Variants in ZBTB4 observed in about 807,000 individuals in gnomAD.
ZBTB4 encodes the protein zinc finger and BTB domain-containing protein 4.
A neutral mutation model predicts 59.8 loss-of-function variants in ZBTB4; 14 were observed. That is an observed-to-expected ratio of 0.23 (90% CI 0.15 to 0.37). The LOEUF is 0.37. Among genes scored for constraint, ZBTB4 ranks in the 10% least tolerant of loss-of-function variants. The pLI is 1.00. For missense variants in ZBTB4, 1,198 were observed against 1,380.8 expected (o/e 0.87, Z 2.10); for synonymous variants, 587 against 575.2 (o/e 1.02, Z -0.29).
At chr17:7,483,655 C>T (rs534611584), upstream of ZBTB4, among the ~76,000 whole-genome samples, 1 of 152,304 alleles carries the variant, frequency 6.6e-6, no homozygotes, top group East Asian at 1.9e-4. Context: ...CCCCAAATCC[C>T]CCAGGACTTT....
At chr17:7,475,756 A>G (rs1308198796) in intron 1 of ZBTB4, among the ~76,000 whole-genome samples, 6 of 152,178 alleles carry the variant, frequency 3.9e-5, no homozygotes, top group African/African-American at 1.2e-4. Context: ...CTAATTTTAC[A>G]GAAGAGGAAA....
At chr17:7,484,005 G>C (rs952784487), upstream of ZBTB4, 2 of 147,480 alleles carry the variant, frequency 1.4e-5, no homozygotes, top group African/African-American at 5.0e-5. Flanking sequence ...CGCCATTACC[G>C]ATTCGCAGAG....
intron 1 of ZBTB4, among the ~76,000 whole-genome samples, chr17:7,473,420 C>T (rs1411174064): frequency 1.3e-5 from 2 of 151,646 alleles, no homozygotes; most frequent in Admixed American, 1.3e-4. Context: ...TGGCCAGGCC[C>T]GGATAATTTT....
intron 3 of ZBTB4, among the ~76,000 whole-genome samples, chr17:7,464,904 C>T (rs2070092134): frequency 6.6e-6 from 1 of 150,430 alleles, no homozygotes; most frequent in Admixed American, 6.7e-5. Flanking sequence ...TGCCTGTAAT[C>T]TCAGCACTTT....
At chr17:7,476,082 A>C (rs1286351527) in intron 1 of ZBTB4, among the ~76,000 whole-genome samples, 1 of 152,196 alleles carries the variant, frequency 6.6e-6, no homozygotes, top group African/African-American at 2.4e-5. Flanking sequence ...TCGATAGCTC[A>C]GGTCCTTGTT....
chr17:7,463,542 A>C lies in ZBTB4; in HGVS notation c.1440T>G (p.Ser480=). 1.3e-6 allele frequency: 2 copies of C among 1,587,018 alleles called. No homozygotes were observed. The highest frequency in any genetic ancestry group is 2.3e-5 in the South Asian group (2 of 86,252). Residue 480 remains serine (S), a synonymous_variant, in exon 4 of 4, where the codon TCT becomes TCG. Coordinates refer to ENST00000380599, the MANE Select transcript of ZBTB4 (RefSeq NM_001128833.2). ...TGCTACTGCCCCCATGGACAATGACAGAGGGGGCTGGGTGGGCAAAAGTGA... is the reference window on the plus strand; with the variant it reads ...TGCTACTGCCCCCATGGACAATGACCGAGGGGGCTGGGTGGGCAAAAGTGA... The part of the protein sequence containing the change: ...SVITFAHPAP[S]VIVHGGSSSG...
In ZBTB4 at chr17:7,465,779, A is replaced by G. The variant is rs1188693965; in HGVS notation, c.1023T>C (p.Tyr341=). The change falls in exon 3 of 4, where the codon TAT becomes TAC. Residue 341 remains tyrosine (Y), a synonymous_variant. Transcript: ENST00000380599. ...HSWRRKYPCR[Y]CEKVFALAEY... is the part of the protein sequence containing the mutation. ...CCGCCAGAGCAAACACTTTCTCACA[A>G]TAGCGGCAGGGGTACTTCCTCCGCC... 3 of 1,614,218 alleles carry G rather than the reference A, an allele frequency of 1.9e-6. No homozygotes were observed. Among genetic ancestry groups the G allele is most frequent in the Admixed American group, 1.7e-5 (1 of 60,032 alleles).
chr17:7,472,215 C>T (rs1048167408), intron 1 of ZBTB4, among the ~76,000 whole-genome samples: 3 of 151,496 alleles, frequency 2.0e-5, no homozygotes, highest in African/African-American at 7.3e-5. Context: ...TTTTGAGACA[C>T]AGTCCAGCTC....
chr17:7,480,181 C>G (rs2070326545), upstream of ZBTB4, among the ~76,000 whole-genome samples: 1 of 152,184 alleles, frequency 6.6e-6, no homozygotes, highest in South Asian at 2.1e-4. Context: ...CAAATGAACA[C>G]ATGAAGCTGG....
At chr17:7,465,160 AAAAAAAAT>A (rs2070099376) in intron 3 of ZBTB4, among the ~76,000 whole-genome samples, 1 of 145,718 alleles carries the variant, frequency 6.9e-6, no homozygotes, top group Non-Finnish European at 1.5e-5. Flanking sequence ...TGTCTCAAAA[AAAAAAAAT>A]AAAAAAAATG....
chr17:7,465,469 AAAAAAAAAAAAG>A (rs1352943407), intron 3 of ZBTB4, among the ~76,000 whole-genome samples: 1 of 151,870 alleles, frequency 6.6e-6, no homozygotes, highest in African/African-American at 2.4e-5. Context: ...GTCTCAAAAA[AAAAAAAAAAAAG>A]AAAAAAAAAT....
chr17:7,462,587 C>T lies in ZBTB4; in HGVS notation c.2395G>A (p.Val799Ile). The T allele has an allele frequency of 2.5e-6, 4 of 1,612,680 alleles. No homozygotes were observed. The highest frequency in any genetic ancestry group is 3.4e-6 in the Non-Finnish European group (4 of 1,179,464). Reference protein sequence around the residue: ...AERPGGTPTPVIAYSKGSAGT... With the variant: ...AERPGGTPTPIIAYSKGSAGT... The stretch of plus-strand genomic sequence containing the variant: ...GCGCTGCCCTTGGAATAGGCAATGA[C>T]AGGGGTTGGGGTGCCCCCGGGCCGC... The change falls in exon 4 of 4, where the codon GTC becomes ATC. Residue 799 changes from valine to isoleucine, a missense_variant. Physicochemically the swap from Val to Ile is conservative, Grantham distance 29 (BLOSUM62 3). This residue lies in a region of ZBTB4 where 550 missense variants were observed against 541.8 expected (regional missense o/e 1.02). Coordinates refer to ENST00000380599, the MANE Select transcript of ZBTB4 (RefSeq NM_001128833.2). The surrounding 1 kb of genome is among the most constrained non-coding windows in gnomAD (Gnocchi z 7.5).
At chr17:7,469,323 T>C (rs537219262) in intron 1 of ZBTB4, among the ~76,000 whole-genome samples, 3 of 152,150 alleles carry the variant, frequency 2.0e-5, no homozygotes, top group Non-Finnish European at 4.4e-5. Context: ...TCCGCCGCCA[T>C]GCCTGGCTAA....
At position 7,462,432 on chromosome 17, in the gene ZBTB4, AG is replaced by A; in HGVS notation, c.2549del (p.Pro850LeufsTer11). ...EASETASLQD[P>X]IISGGEEPPV... The stretch of plus-strand genomic sequence containing the variant: ...GGGGCTCCTCACCCCCTGAAATGAT[AG>A]GGTCCTGGAGTGAGGCGGTCTCGGA... On this transcript the variant is annotated frameshift_variant, in exon 4 of 4. Transcript: ENST00000380599. LOFTEE classifies it high-confidence loss of function. This position sits in a 1 kb window ranked among gnomAD's most constrained non-coding sequence, Gnocchi z 7.5. 6.2e-7 allele frequency: 1 copy of A among 1,613,842 alleles called. No homozygotes were observed. The highest frequency in any genetic ancestry group is 8.5e-7 in the Non-Finnish European group (1 of 1,179,976).
chr17:7,463,310 T>C lies in ZBTB4; in HGVS notation c.1672A>G (p.Lys558Glu). 1.2e-6 allele frequency: 2 copies of C among 1,609,730 alleles called. No individual in the cohort carries two copies. Among genetic ancestry groups the C allele is most frequent in the Non-Finnish European group, 1.7e-6 (2 of 1,178,340 alleles). Residue 558 changes from lysine (K) to glutamate (E), a missense_variant, in exon 4 of 4, where the codon AAG becomes GAG. Coordinates refer to ENST00000380599, the MANE Select transcript of ZBTB4 (RefSeq NM_001128833.2). The stretch of plus-strand genomic sequence containing the variant: ...CTTCCAGCCCGTGGATTCCGGCCCT[T>C]GGCCTCCTCCGTGGTGGTGGCCATG... Reference protein sequence around the residue: ...PAMATTTEEAKGRNPRAGRTL... With the variant: ...PAMATTTEEAEGRNPRAGRTL...
chr17:7,471,424 T>C (rs1208466563), intron 1 of ZBTB4, among the ~76,000 whole-genome samples: 1 of 152,202 alleles, frequency 6.6e-6, no homozygotes, highest in Non-Finnish European at 1.5e-5. Context: ...ATGTGCAAAG[T>C]ATAATGCTAA....
In ZBTB4 at chr17:7,466,211, C is replaced by T. The variant is rs781436012; in HGVS notation, c.591G>A (p.Gln197=). ...PPTPAPMATS[Q]PEEDSFGPGP... Reference sequence around the variant, plus strand: ...CGGGCCCAAAGCTGTCCTCTTCAGGCTGCGAGGTGGCCATGGGGGCTGGGG... The same window carrying T: ...CGGGCCCAAAGCTGTCCTCTTCAGGTTGCGAGGTGGCCATGGGGGCTGGGG... The change falls in exon 3 of 4, where the codon CAG becomes CAA. Residue 197 remains glutamine, a synonymous_variant. Coordinates refer to ENST00000380599, the MANE Select transcript of ZBTB4 (RefSeq NM_001128833.2). The surrounding 1 kb of genome is among the most constrained non-coding windows in gnomAD (Gnocchi z 9.1). 17 of 1,613,466 alleles carry T rather than the reference C, an allele frequency of 1.1e-5. No individual in the cohort carries two copies. Among genetic ancestry groups the T allele is most frequent in the Non-Finnish European group, 1.4e-5 (16 of 1,179,984 alleles).
Position 7,465,691 on chromosome 17 carries a change from C to G in ZBTB4, c.1091+20G>C. On this transcript the variant is annotated intron_variant, in intron 3 of 3. Transcript: ENST00000380599. ...GAGTGCCAGCCTCCAGCCGCTCCCC[C>G]GCCAGCCTGGATCACTCACCTGCGC... The G allele has an allele frequency of 1.3e-6, 2 of 1,573,440 alleles. No homozygotes were observed. The highest frequency in any genetic ancestry group is 1.7e-5 in the Admixed American group (1 of 57,990).
At chr17:7,478,408 C>CCCA (rs2070298774) in intron 1 of ZBTB4, among the ~76,000 whole-genome samples, 1 of 152,046 alleles carries the variant, frequency 6.6e-6, no homozygotes, top group South Asian at 2.1e-4. Flanking sequence ...GACGCGCAGC[C>CCCA]CCCATGCAAC....
Sources: allele counts gnomAD v4.1 joint callset (sites outside exome capture counted in the v4.1 genomes callset), GRCh38; gene constraint gnomAD v4.1.1; regional missense constraint gnomAD v4.1.1; non-coding constraint Gnocchi (gnomAD v3.1); transcripts MANE v1.5; gene names NCBI Gene and HGNC (gene_info 2026-07-23, HGNC 2026-07-21).